The following SLC25A26 variants were observed in gnomAD, a reference collection of about 807,000 sequenced individuals.
SLC25A26 encodes solute carrier family 25 member 26.
SLC25A26 carries 36 observed loss-of-function variants against 37.8 expected under a neutral mutation model. The ratio of observed to expected loss-of-function variants is 0.95; its 90% CI spans 0.73 to 1.26. The LOEUF (loss-of-function observed/expected upper bound fraction) is 1.26. Among genes scored for constraint, SLC25A26 ranks in the 50% most tolerant of loss-of-function variants. SLC25A26 has a pLI of 0.00. For synonymous variants in SLC25A26, 129 were observed against 122.5 expected, an observed-to-expected ratio of 1.05 and a Z score of -0.35; for missense variants, 390 against 331.1, an observed-to-expected ratio of 1.18 and a Z score of -1.38.
intron 6 of SLC25A26, chr3:66,356,195 C>T (rs943335250): frequency 2.4e-6 from 1 of 414,372 alleles, no homozygotes; most frequent in African/African-American, 2.1e-5. Flanking sequence ...GCCTTCTCTT[C>T]AGGCTATACT....
intron 1 of SLC25A26, among the ~76,000 whole-genome samples, chr3:66,231,799 C>G (rs2106967935): frequency 7.4e-6 from 1 of 135,972 alleles, no homozygotes; most frequent in African/African-American, 2.8e-5. Context: ...CAGGATCTTG[C>G]TCTGTTGCCC....
chr3:66,343,572 A>G (rs1241773429), intron 5 of SLC25A26, among the ~76,000 whole-genome samples: 1 of 152,232 alleles, frequency 6.6e-6, no homozygotes, highest in Admixed American at 6.5e-5. Flanking sequence ...ATTAGAGGAA[A>G]TGGGCAAAAT....
intron 3 of SLC25A26, among the ~76,000 whole-genome samples, chr3:66,260,659 G>A (rs144907018): frequency 3.0e-4 from 46 of 152,222 alleles, no homozygotes; most frequent in African/African-American, 1.0e-3. Context: ...TGGGGTGCTC[G>A]GGCTTATATC....
intron 5 of SLC25A26, among the ~76,000 whole-genome samples, chr3:66,295,659 C>T (rs2074876465): frequency 6.6e-6 from 1 of 151,770 alleles, no homozygotes; most frequent in African/African-American, 2.4e-5. Flanking sequence ...CCTCGGCCTC[C>T]CGAAGATTTT....
chr3:66,249,560 GC>G (rs2072997999), intron 3 of SLC25A26, among the ~76,000 whole-genome samples: 1 of 152,200 alleles, frequency 6.6e-6, no homozygotes, highest in East Asian at 1.9e-4. Flanking sequence ...ATCTTCACTG[GC>G]CTTTTCTAAG....
At chr3:66,282,950 C>A (rs750055637) in intron 5 of SLC25A26, among the ~76,000 whole-genome samples, 14 of 152,186 alleles carry the variant, frequency 9.2e-5, no homozygotes, top group Non-Finnish European at 2.1e-4. Context: ...GAATATACAG[C>A]CTTTACAGAT....
chr3:66,356,099 A>G (rs760481651), intron 6 of SLC25A26: 5 of 456,242 alleles, frequency 1.1e-5, no homozygotes, highest in South Asian at 7.7e-5. Context: ...GTATTTGTTC[A>G]CTGGAGCCAA....
chr3:66,228,827 C>T (rs534262497), intron 1 of SLC25A26, among the ~76,000 whole-genome samples: 1 of 152,290 alleles, frequency 6.6e-6, no homozygotes, highest in South Asian at 2.1e-4. Flanking sequence ...AATTTGAACA[C>T]TTATATTTCT....
intron 5 of SLC25A26, among the ~76,000 whole-genome samples, chr3:66,319,904 C>T (rs1050692751): frequency 1.3e-5 from 2 of 151,932 alleles, no homozygotes; most frequent in African/African-American, 4.8e-5. Context: ...CAGGCACACA[C>T]CACCACGCCT....
chr3:66,164,151 T>G (rs1008293016), intron 1 of SLC25A26, among the ~76,000 whole-genome samples: 3 of 152,224 alleles, frequency 2.0e-5, no homozygotes, highest in Non-Finnish European at 4.4e-5. Context: ...TCTCTAAAAT[T>G]TTATTATCTA....
At chr3:66,274,727 C>T (rs1410054584) in intron 5 of SLC25A26, among the ~76,000 whole-genome samples, 11 of 152,030 alleles carry the variant, frequency 7.2e-5, no homozygotes, top group South Asian at 4.1e-4. Flanking sequence ...GTTAGAATGG[C>T]GATCATTAAA....
chr3:66,261,577 A>G (rs1390419312), intron 3 of SLC25A26: 1 of 155,672 alleles, frequency 6.4e-6, no homozygotes, highest in Non-Finnish European at 1.4e-5. Context: ...TGCATGATCA[A>G]GAGGTCTAGG....
chr3:66,192,269 T>C (rs1223057141), intron 1 of SLC25A26, among the ~76,000 whole-genome samples: 12 of 145,104 alleles, frequency 8.3e-5, no homozygotes, highest in Non-Finnish European at 8.9e-5. Flanking sequence ...TGAGCCGAGA[T>C]TGCACCACTG....
At position 66,309,230 on chromosome 3, in the gene SLC25A26, T is replaced by G. The variant is rs536701200; in HGVS notation, c.454-37134T>G. Among the ~76,000 whole-genome samples, 11 of 152,320 alleles carry G rather than the reference T, an allele frequency of 7.2e-5. No homozygotes were observed. The South Asian group carries it at 2.3e-3, about 32-fold the overall frequency. ...ATTCAGGGATTCGACTTCTTCCTGG[T>G]TTAGTCTTGGGAGGGTGTATGTGTC... is the stretch of plus-strand genomic sequence containing the variant. On this transcript the variant is annotated intron_variant, in intron 5 of 9. Transcript: ENST00000354883.
At chr3:66,237,644 A>T (rs990886105) in intron 2 of SLC25A26, among the ~76,000 whole-genome samples, 1 of 152,230 alleles carries the variant, frequency 6.6e-6, no homozygotes, top group East Asian at 1.9e-4. Flanking sequence ...TCTTTAGTCA[A>T]TGTAATCTGT....
At chr3:66,193,683 T>C (rs1174074160) in intron 1 of SLC25A26, among the ~76,000 whole-genome samples, 2 of 151,646 alleles carry the variant, frequency 1.3e-5, no homozygotes, top group Non-Finnish European at 2.9e-5. Flanking sequence ...ACCAATTAAA[T>C]GACAAATTAA....
At chr3:66,209,715 A>G (rs1447876733) in intron 1 of SLC25A26, among the ~76,000 whole-genome samples, 3 of 138,192 alleles carry the variant, frequency 2.2e-5, no homozygotes, top group Non-Finnish European at 3.1e-5. Context: ...ATAGATATAT[A>G]TATTTTATAG....
chr3:66,312,357 C>T (rs554232891), intron 5 of SLC25A26, among the ~76,000 whole-genome samples: 3 of 152,160 alleles, frequency 2.0e-5, no homozygotes, highest in Admixed American at 6.5e-5. Context: ...CACCCCAGGT[C>T]GACTTCAGAA....
At chr3:66,308,825 G>A (rs2075298523) in intron 5 of SLC25A26, among the ~76,000 whole-genome samples, 1 of 152,202 alleles carries the variant, frequency 6.6e-6, no homozygotes, top group Non-Finnish European at 1.5e-5. Flanking sequence ...CTGTTTATGT[G>A]ATGGATTATG....
Sources: allele counts gnomAD v4.1 joint callset (sites outside exome capture counted in the v4.1 genomes callset), GRCh38; gene constraint gnomAD v4.1.1; transcripts MANE v1.5; gene names NCBI Gene and HGNC (gene_info 2026-07-23, HGNC 2026-07-21).